Variants in XNDC1N observed in about 807,000 individuals in gnomAD.
XNDC1N encodes the protein protein XNDC1N.
At chr11:71,877,562 C>A in the XNDC1N span, among the ~76,000 whole-genome samples, 1 of 152,176 alleles carries the variant, frequency 6.6e-6, no homozygotes, top group Non-Finnish European at 1.5e-5. Flanking sequence ...CACTTGAACC[C>A]GGGAGGCAGA....
chr11:71,905,970 A>G, the XNDC1N span, among the ~76,000 whole-genome samples: 1 of 151,970 alleles, frequency 6.6e-6, no homozygotes, highest in African/African-American at 2.4e-5. Flanking sequence ...GCATCCCCCT[A>G]CAATATTGGG....
chr11:71,928,179 T>C, the XNDC1N span: 3 of 474,232 alleles, frequency 6.3e-6, no homozygotes, highest in Non-Finnish European at 1.1e-5. Context: ...ACAGCCTAAG[T>C]AAGACGCGGA....
the XNDC1N span, among the ~76,000 whole-genome samples, chr11:71,915,485 G>C: frequency 6.6e-6 from 1 of 151,700 alleles, no homozygotes; most frequent in Admixed American, 6.6e-5. Context: ...ACGACTCACT[G>C]AAGGTTCAGA....
the XNDC1N span, among the ~76,000 whole-genome samples, chr11:71,871,350 G>A: frequency 1.3e-5 from 2 of 152,164 alleles, no homozygotes; most frequent in Non-Finnish European, 2.9e-5. Context: ...GCAGAGAGTA[G>A]AACAGTGGTT....
chr11:71,924,943 T>C, the XNDC1N span, among the ~76,000 whole-genome samples: 6 of 152,046 alleles, frequency 3.9e-5, no homozygotes, highest in African/African-American at 1.4e-4. Flanking sequence ...AAAATATGAG[T>C]CCGTGACTCT....
the XNDC1N span, chr11:71,917,685 C>T: frequency 2.0e-5 from 14 of 703,154 alleles, no homozygotes; most frequent in Non-Finnish European, 3.1e-5. Context: ...GAGACATTAG[C>T]GTGGTTGCAG....
chr11:71,877,714 G>A, the XNDC1N span, among the ~76,000 whole-genome samples: 4 of 152,298 alleles, frequency 2.6e-5, no homozygotes, highest in South Asian at 6.2e-4. Flanking sequence ...AAAGTATTCT[G>A]GTGTTTATGT....
At chr11:71,877,586 C>G in the XNDC1N span, among the ~76,000 whole-genome samples, 16 of 152,204 alleles carry the variant, frequency 1.1e-4, no homozygotes, top group African/African-American at 3.9e-4. Context: ...TGCAGTGAGC[C>G]AAGATCGCAC....
chr11:71,896,545 C>T, the XNDC1N span, among the ~76,000 whole-genome samples: 1 of 152,222 alleles, frequency 6.6e-6, no homozygotes, highest in African/African-American at 2.4e-5. Context: ...TCTGTTTCTG[C>T]TCTTGAAATC....
At chr11:71,911,162 T>C in the XNDC1N span, among the ~76,000 whole-genome samples, 1 of 152,264 alleles carries the variant, frequency 6.6e-6, no homozygotes, top group African/African-American at 2.4e-5. Context: ...ATAAGTTGAC[T>C]GTTGGGCAAA....
chr11:71,925,782 A>G, the XNDC1N span, among the ~76,000 whole-genome samples: 1 of 152,062 alleles, frequency 6.6e-6, no homozygotes, highest in Non-Finnish European at 1.5e-5. Context: ...CGGGAGGCTG[A>G]GGCAGGAGAA....
the XNDC1N span, among the ~76,000 whole-genome samples, chr11:71,890,165 G>C: frequency 6.6e-6 from 1 of 152,134 alleles, no homozygotes; most frequent in South Asian, 2.1e-4. Context: ...TGCTAAATTT[G>C]AGGGAATGTT....
At chr11:71,904,583 G>C in the XNDC1N span, among the ~76,000 whole-genome samples, 1 of 152,028 alleles carries the variant, frequency 6.6e-6, no homozygotes, top group African/African-American at 2.4e-5. Context: ...TGACATATTA[G>C]GAGTAACATC....
chr11:71,915,380 G>A, the XNDC1N span, among the ~76,000 whole-genome samples: 1 of 151,660 alleles, frequency 6.6e-6, no homozygotes, highest in South Asian at 2.1e-4. Context: ...CCTGGGAGGT[G>A]GAGCTTGCAG....
the XNDC1N span, among the ~76,000 whole-genome samples, chr11:71,878,048 G>C: frequency 2.0e-4 from 30 of 152,294 alleles, no homozygotes; most frequent in Non-Finnish European, 3.8e-4. Flanking sequence ...TGCCAAAATA[G>C]TAATAAATAG....
At chr11:71,914,213 G>A in the XNDC1N span, 2 of 449,044 alleles carry the variant, frequency 4.5e-6, no homozygotes, top group Non-Finnish European at 9.0e-6. Context: ...ATCTAGGAAA[G>A]TAAATTAAAA....
chr11:71,910,861 G>C, the XNDC1N span, among the ~76,000 whole-genome samples: 1 of 152,202 alleles, frequency 6.6e-6, no homozygotes, highest in Non-Finnish European at 1.5e-5. Flanking sequence ...GGTCACCAAG[G>C]GGACAGGGAC....
chr11:71,925,405 CA>C, the XNDC1N span, among the ~76,000 whole-genome samples: 1 of 152,124 alleles, frequency 6.6e-6, no homozygotes, highest in East Asian at 1.9e-4. Context: ...GCAGCAATAG[CA>C]GTAACAAGCT....
At chr11:71,916,523 C>G in the XNDC1N span, 17 of 394,400 alleles carry the variant, frequency 4.3e-5, no homozygotes, top group African/African-American at 2.2e-4. Flanking sequence ...AATTCTATAC[C>G]TCTCCAGGGA....
Sources: allele counts gnomAD v4.1 joint callset (sites outside exome capture counted in the v4.1 genomes callset), GRCh38; gene constraint gnomAD v4.1.1; transcripts MANE v1.5; gene names NCBI Gene and HGNC (gene_info 2026-07-23, HGNC 2026-07-21).